The following MB21D2 variants were observed in gnomAD, a reference collection of about 807,000 sequenced individuals.
MB21D2 encodes the protein Mab-21 domain containing 2, also known as nucleotidyltransferase MB21D2.
MB21D2 carries 9 observed loss-of-function variants against 33.3 expected under a neutral mutation model. That is an observed-to-expected ratio of 0.27 (90% CI 0.16 to 0.47). The LOEUF (loss-of-function observed/expected upper bound fraction) is 0.47. Among genes scored for constraint, MB21D2 ranks in the 20% least tolerant of loss-of-function variants. MB21D2 has a pLI of 0.99. For synonymous variants in MB21D2, 241 were observed against 236.3 expected (o/e 1.02, Z -0.18); for missense variants, 540 against 624.6 (o/e 0.86, Z 1.44).
intron 1 of MB21D2, among the ~76,000 whole-genome samples, chr3:192,828,464 A>G (rs1374097246): frequency 6.6e-6 from 1 of 151,126 alleles, no homozygotes; most frequent in African/African-American, 2.4e-5. Context: ...CACAAGACCT[A>G]GCAAGTCATT....
At chr3:192,873,679 G>A (rs1410025205) in intron 1 of MB21D2, among the ~76,000 whole-genome samples, 1 of 152,110 alleles carries the variant, frequency 6.6e-6, no homozygotes, top group Non-Finnish European at 1.5e-5. Flanking sequence ...GGAAACAGGA[G>A]ACTCTCTTAG....
intron 1 of MB21D2, among the ~76,000 whole-genome samples, chr3:192,875,305 A>G (rs758242538): frequency 5.9e-5 from 9 of 152,222 alleles, no homozygotes; most frequent in Non-Finnish European, 1.0e-4. Flanking sequence ...ATTACCTGGC[A>G]TCTAGAAGAT....
At chr3:192,857,041 C>CT (rs1712932882) in intron 1 of MB21D2, among the ~76,000 whole-genome samples, 1 of 152,116 alleles carries the variant, frequency 6.6e-6, no homozygotes, top group Admixed American at 6.5e-5. Context: ...AGTACTTGCA[C>CT]TTCATTACAG....
chr3:192,876,194 G>A (rs7636905), intron 1 of MB21D2, among the ~76,000 whole-genome samples: 90,543 of 151,926 alleles, frequency 0.6, 28,408 homozygotes, highest in African/African-American at 0.79. Context: ...AGCAGCCCCA[G>A]TGCCAAAACT....
At chr3:192,882,295 G>A (rs752272822) in intron 1 of MB21D2, among the ~76,000 whole-genome samples, 11 of 151,988 alleles carry the variant, frequency 7.2e-5, no homozygotes, top group Non-Finnish European at 1.6e-4. Context: ...GGCTGGTCTC[G>A]AACTCCCGAC....
At position 192,799,742 on chromosome 3, in the gene MB21D2, A is replaced by C; in HGVS notation, c.212-92T>G. The C allele has an allele frequency of 7.5e-7, 1 of 1,338,232 alleles. No individual in the cohort carries two copies. The highest frequency in any genetic ancestry group is 1.0e-6 in the Non-Finnish European group (1 of 1,001,628). 82.9% of individuals were successfully genotyped at this position (1,338,232 alleles called of 1,614,324 possible). A position where few individuals can be genotyped will look rare whatever the true frequency, so the allele number is the denominator to read the frequency against. On this transcript the variant is annotated intron_variant, in intron 1 of 1. Coordinates refer to ENST00000392452, the MANE Select transcript of MB21D2 (RefSeq NM_178496.4). This position sits in a 1 kb window ranked among gnomAD's most constrained non-coding sequence, Gnocchi z 4.1. ...AACAGAATGCTCTGATGTTCCAAGA[A>C]CCAAAACTCATTATCAGTACTAAAT...
chr3:192,880,243 A>G (rs1713530868), intron 1 of MB21D2, among the ~76,000 whole-genome samples: 1 of 151,236 alleles, frequency 6.6e-6, no homozygotes, highest in Non-Finnish European at 1.5e-5. Flanking sequence ...GCTACTCCGG[A>G]GGCTGAGGCA....
At chr3:192,906,953 T>C (rs1255830239) in intron 1 of MB21D2, among the ~76,000 whole-genome samples, 1 of 152,256 alleles carries the variant, frequency 6.6e-6, no homozygotes, top group Non-Finnish European at 1.5e-5. Context: ...CACTACTGAC[T>C]TAACTCACAA....
At chr3:192,810,866 A>AAT (rs1711770170) in intron 1 of MB21D2, among the ~76,000 whole-genome samples, 1 of 145,766 alleles carries the variant, frequency 6.9e-6, no homozygotes, top group Non-Finnish European at 1.5e-5. Context: ...CATTTTTCCT[A>AAT]ATATATGAGT....
chr3:192,835,118 A>G lies in MB21D2; in HGVS notation c.212-35468T>C, dbSNP rs1251099930. ...CCACCACGCCTGGCCGATTGTTCAC[A>G]TTTTATTTGGCCAGGGATCTTTAGA... On this transcript the variant is annotated intron_variant, in intron 1 of 1. Transcript: ENST00000392452. Among the ~76,000 whole-genome samples the G allele has an allele frequency of 7.2e-5, 10 of 139,632 alleles. No homozygotes were observed. In the East Asian group the frequency reaches 2.3e-3, roughly 33 times the overall value. 91.6% of individuals were successfully genotyped at this position (139,632 alleles called of 152,430 possible).
chr3:192,895,431 TTCAA>T (rs1416453575), intron 1 of MB21D2, among the ~76,000 whole-genome samples: 6 of 152,194 alleles, frequency 3.9e-5, no homozygotes, highest in Non-Finnish European at 7.3e-5. Flanking sequence ...TTCAATCTGT[TTCAA>T]TCACTTTAAT....
chr3:192,840,529 C>T (rs1712548010), intron 1 of MB21D2, among the ~76,000 whole-genome samples: 1 of 148,916 alleles, frequency 6.7e-6, no homozygotes, highest in African/African-American at 2.5e-5. Context: ...CAGCGCAATC[C>T]CTCTAAGCCT....
intron 1 of MB21D2, among the ~76,000 whole-genome samples, chr3:192,879,789 G>A (rs1713520046): frequency 6.6e-6 from 1 of 152,196 alleles, no homozygotes; most frequent in African/African-American, 2.4e-5. Context: ...TTTTATTGCA[G>A]AGAATACCCA....
At chr3:192,878,109 T>TC (rs1713479953) in intron 1 of MB21D2, among the ~76,000 whole-genome samples, 1 of 146,420 alleles carries the variant, frequency 6.8e-6, no homozygotes, top group Non-Finnish European at 1.5e-5. Context: ...TTTGGTTTTT[T>TC]TTGTTTTTGA....
At chr3:192,875,977 A>T (rs916958108) in intron 1 of MB21D2, among the ~76,000 whole-genome samples, 1 of 152,182 alleles carries the variant, frequency 6.6e-6, no homozygotes, top group Non-Finnish European at 1.5e-5. Flanking sequence ...TCCCAGATTA[A>T]CCAGGATGTA....
intron 1 of MB21D2, among the ~76,000 whole-genome samples, chr3:192,835,577 T>G (rs536511613): frequency 2.7e-5 from 4 of 149,720 alleles, no homozygotes; most frequent in Non-Finnish European, 4.4e-5. Flanking sequence ...CAGAAAAAAA[T>G]GATGACAATT....
intron 1 of MB21D2, among the ~76,000 whole-genome samples, chr3:192,903,011 G>C (rs1187855741): frequency 6.6e-6 from 1 of 152,206 alleles, no homozygotes; most frequent in Non-Finnish European, 1.5e-5. Flanking sequence ...AAACACGACA[G>C]ACCAAAAATA....
chr3:192,832,648 G>C (rs1245123249), intron 1 of MB21D2, among the ~76,000 whole-genome samples: 3 of 152,112 alleles, frequency 2.0e-5, no homozygotes, highest in African/African-American at 7.2e-5. Flanking sequence ...AAATTAGCTG[G>C]ACGTGGTGGC....
At chr3:192,864,729 A>C (rs1180356912) in intron 1 of MB21D2, among the ~76,000 whole-genome samples, 1 of 151,820 alleles carries the variant, frequency 6.6e-6, no homozygotes, top group Non-Finnish European at 1.5e-5. Flanking sequence ...CTGGTCTCGG[A>C]CTCCTAAGCT....
Sources: gnomAD v4.1 joint callset for allele counts (sites outside exome capture counted in the v4.1 genomes callset) on GRCh38, gnomAD v4.1.1 for gene constraint, Gnocchi (gnomAD v3.1) non-coding constraint, MANE v1.5 for transcripts, NCBI Gene and HGNC (gene_info 2026-07-23, HGNC 2026-07-21) for gene names.